The following GALNT10 variants were observed in gnomAD, a reference collection of about 807,000 sequenced individuals.
GALNT10 encodes polypeptide N-acetylgalactosaminyltransferase 10.
Under a neutral mutation model 75.0 loss-of-function variants are expected in GALNT10, and 41 were observed. That is an observed-to-expected ratio of 0.55 (90% CI 0.43 to 0.71). GALNT10 has a LOEUF of 0.71. Ranked by LOEUF, GALNT10 falls within the 30% of genes least tolerant of loss-of-function variation. The probability of loss-of-function intolerance (pLI) is 0.00; values close to 1 mark genes in which losing one functional copy is unlikely to be tolerated. For synonymous variants in GALNT10, 302 were observed against 313.0 expected, an observed-to-expected ratio of 0.96 and a Z score of 0.37; for missense variants, 727 against 818.5, an observed-to-expected ratio of 0.89 and a Z score of 1.36.
At chr5:154,238,216 CTTTTCTG>C (rs1187749065) in intron 1 of GALNT10, among the ~76,000 whole-genome samples, 1 of 151,844 alleles carries the variant, frequency 6.6e-6, no homozygotes, top group Non-Finnish European at 1.5e-5. Context: ...TCACACCAGG[CTTTTCTG>C]TTTTCTGTTT....
At chr5:154,330,327 A>G (rs553439050) in intron 4 of GALNT10, among the ~76,000 whole-genome samples, 3 of 152,312 alleles carry the variant, frequency 2.0e-5, no homozygotes, top group African/African-American at 7.2e-5. Flanking sequence ...AAGGCAGGGA[A>G]TGTGAGTGTT....
chr5:154,326,620 T>C (rs1261088649), intron 3 of GALNT10, among the ~76,000 whole-genome samples: 1 of 152,200 alleles, frequency 6.6e-6, no homozygotes, highest in East Asian at 1.9e-4. Flanking sequence ...TTTGAAAACA[T>C]TACACCAAGT....
At chr5:154,219,878 G>C (rs1178969420) in intron 1 of GALNT10, among the ~76,000 whole-genome samples, 2 of 105,132 alleles carry the variant, frequency 1.9e-5, no homozygotes, top group African/African-American at 5.4e-5. Context: ...CACAGAGAGA[G>C]AGGGAGAGAG....
intron 1 of GALNT10, among the ~76,000 whole-genome samples, chr5:154,203,945 G>A (rs1038606547): frequency 6.6e-6 from 1 of 152,202 alleles, no homozygotes; most frequent in Non-Finnish European, 1.5e-5. Flanking sequence ...TAGTGTGAGG[G>A]TAGCCATAGA....
At chr5:154,265,341 G>T (rs1176721932) in intron 1 of GALNT10, among the ~76,000 whole-genome samples, 1 of 152,106 alleles carries the variant, frequency 6.6e-6, no homozygotes, top group African/African-American at 2.4e-5. Flanking sequence ...AGGGACCTCA[G>T]AATGTCTTCA....
At chr5:154,236,170 G>A (rs1309764199) in intron 1 of GALNT10, among the ~76,000 whole-genome samples, 1 of 152,126 alleles carries the variant, frequency 6.6e-6, no homozygotes, top group Non-Finnish European at 1.5e-5. Flanking sequence ...GTTCCAATCT[G>A]TCACTCCCCA....
Position 154,416,100 on chromosome 5 carries a change from C to T in GALNT10, c.1653+168C>T, listed in dbSNP as rs1196058749. On this transcript the variant is annotated intron_variant, in intron 11 of 11. Transcript: ENST00000297107. The surrounding 1 kb of genome is among the most constrained non-coding windows in gnomAD (Gnocchi z 4.5). ...AGAGTAGTCAGAAATCTAGACTTCA[C>T]TGTGAAATCCTCAAGTCTTAAATGT... Among the ~76,000 whole-genome samples the T allele has an allele frequency of 6.6e-6, 1 of 152,190 alleles. No homozygotes were observed. Among genetic ancestry groups the T allele is most frequent in the Non-Finnish European group, 1.5e-5 (1 of 68,042 alleles).
intron 1 of GALNT10, among the ~76,000 whole-genome samples, chr5:154,193,692 G>A (rs1287966267): frequency 6.6e-6 from 1 of 152,212 alleles, no homozygotes; most frequent in East Asian, 1.9e-4. Context: ...ATATGGGTTT[G>A]AAAGAAGATT....
At chr5:154,264,598 ATCTTTTTAC>A (rs1282971164) in intron 1 of GALNT10, among the ~76,000 whole-genome samples, 1 of 152,168 alleles carries the variant, frequency 6.6e-6, no homozygotes, top group Admixed American at 6.5e-5. Context: ...AGAAGAGTAA[ATCTTTTTAC>A]TCTTTTTAAA....
At chr5:154,362,075 C>T (rs903347185) in intron 4 of GALNT10, among the ~76,000 whole-genome samples, 3 of 152,190 alleles carry the variant, frequency 2.0e-5, no homozygotes, top group African/African-American at 7.2e-5. Context: ...GGCCAGTGCT[C>T]CTTGTTTGCT....
chr5:154,389,983 A>G (rs1755868019), intron 7 of GALNT10, among the ~76,000 whole-genome samples: 1 of 152,228 alleles, frequency 6.6e-6, no homozygotes, highest in South Asian at 2.1e-4. Context: ...ATTTTCCAAG[A>G]AAAGGCTAAA....
At position 154,207,922 on chromosome 5, in the gene GALNT10, G is replaced by A. The variant is rs531369887; in HGVS notation, c.159+16897G>A. Among the ~76,000 whole-genome samples the A allele has an allele frequency of 6.0e-4, 91 of 152,222 alleles. 1 individual carries two copies. The highest frequency in any genetic ancestry group is 2.2e-4 in the Non-Finnish European group (15 of 67,996). ...AAGTTGGGTGACCAGATTTGCTTTC[G>A]TATGGGTCCTGGAGTTCAATAGTTG... On this transcript the variant is annotated intron_variant, in intron 1 of 11. Coordinates refer to ENST00000297107, the MANE Select transcript of GALNT10 (RefSeq NM_198321.4).
At chr5:154,218,687 C>T (rs182646594) in intron 1 of GALNT10, among the ~76,000 whole-genome samples, 49 of 152,200 alleles carry the variant, frequency 3.2e-4, no homozygotes, top group Non-Finnish European at 5.7e-4. Flanking sequence ...TTCCATTTTC[C>T]TTTCTGAGTC....
At chr5:154,215,807 C>T (rs560326425) in intron 1 of GALNT10, among the ~76,000 whole-genome samples, 1 of 152,212 alleles carries the variant, frequency 6.6e-6, no homozygotes, top group African/African-American at 2.4e-5. Context: ...CTGGTGTTCT[C>T]TGTAGCAGAA....
intron 1 of GALNT10, among the ~76,000 whole-genome samples, chr5:154,275,543 C>G (rs749745809): frequency 5.3e-5 from 8 of 152,184 alleles, no homozygotes; most frequent in Non-Finnish European, 1.0e-4. Context: ...GAACAACAGT[C>G]ATTCATTTCT....
chr5:154,330,307 A>G (rs1754835556), intron 4 of GALNT10, among the ~76,000 whole-genome samples: 2 of 152,242 alleles, frequency 1.3e-5, no homozygotes, highest in African/African-American at 4.8e-5. Context: ...GGGCACCCCT[A>G]TCTGCAAGGA....
At chr5:154,213,321 G>T (rs554675629) in intron 1 of GALNT10, among the ~76,000 whole-genome samples, 2 of 152,242 alleles carry the variant, frequency 1.3e-5, no homozygotes, top group East Asian at 1.9e-4. Flanking sequence ...ACCTCTCCAG[G>T]CCGAACATTC....
At chr5:154,317,576 GAC>G (rs1754612650) in intron 3 of GALNT10, among the ~76,000 whole-genome samples, 1 of 152,142 alleles carries the variant, frequency 6.6e-6, no homozygotes, top group Non-Finnish European at 1.5e-5. Context: ...TCCTATAGCA[GAC>G]AGAACCTGCC....
At chr5:154,245,630 A>G (rs979219960) in intron 1 of GALNT10, among the ~76,000 whole-genome samples, 3 of 152,074 alleles carry the variant, frequency 2.0e-5, no homozygotes, top group Non-Finnish European at 4.4e-5. Context: ...ATACATTAAT[A>G]TATGTAAGCC....
Sources: allele counts gnomAD v4.1 joint callset (sites outside exome capture counted in the v4.1 genomes callset), GRCh38; gene constraint gnomAD v4.1.1; non-coding constraint Gnocchi (gnomAD v3.1); transcripts MANE v1.5; gene names NCBI Gene and HGNC (gene_info 2026-07-23, HGNC 2026-07-21).